The following FLVCR1 variants were observed in gnomAD, a reference collection of about 807,000 sequenced individuals.
FLVCR1 encodes the protein FLVCR choline and heme transporter 1.
Under a neutral mutation model 53.6 loss-of-function variants are expected in FLVCR1, and 34 were observed. The observed-to-expected ratio is 0.63, with a 90% CI of 0.48 to 0.84. The LOEUF is 0.84. FLVCR1 is among the 40% of genes least tolerant of loss of function. The probability of loss-of-function intolerance (pLI) is 0.00; values close to 1 mark genes in which losing one functional copy is unlikely to be tolerated. For synonymous variants in FLVCR1, 300 were observed against 286.3 expected (o/e 1.05, Z -0.48); for missense variants, 677 against 696.7 (o/e 0.97, Z 0.32).
chr1:212,860,350 G>GTTTTTTTTGTTTTTTTTTTTTTTTTTTT (rs1664186887), intron 1 of FLVCR1, among the ~76,000 whole-genome samples: 1 of 85,824 alleles, frequency 1.2e-5, no homozygotes. Context: ...TGTGTGTGTG[G>GTTTTTTTTGTTTTTTTTTTTTTTTTTTT]TTTTTTTTTT....
At position 212,895,556 on chromosome 1, in the gene FLVCR1, G is replaced by A. The variant is rs1558123887; in HGVS notation, c.*266G>A. 1 of 455,770 alleles carries A rather than the reference G, an allele frequency of 2.2e-6. No individual in the cohort carries two copies. Among genetic ancestry groups the A allele is most frequent in the Non-Finnish European group, 4.0e-6 (1 of 252,538 alleles). 28.2% of individuals were successfully genotyped at this position (455,770 alleles called of 1,614,324 possible). ...CGGTTTTTAGTCTCATATTGTATCTGAAAGTAAGCTTCTTGACGTTTACTT... is the reference window on the plus strand; with the variant it reads ...CGGTTTTTAGTCTCATATTGTATCTAAAAGTAAGCTTCTTGACGTTTACTT... On this transcript the variant is annotated 3_prime_UTR_variant, in exon 10 of 10. Coordinates refer to ENST00000366971, the MANE Select transcript of FLVCR1 (RefSeq NM_014053.4).
intron 4 of FLVCR1, among the ~76,000 whole-genome samples, chr1:212,884,744 G>A (rs952395367): frequency 6.6e-6 from 1 of 152,110 alleles, no homozygotes; most frequent in Non-Finnish European, 1.5e-5. Flanking sequence ...GTGTACTTAC[G>A]CAAACCTGAT....
chr1:212,883,539 G>A lies in FLVCR1; in HGVS notation c.1092+101G>A, dbSNP rs1042818394. 5.8e-6 allele frequency: 4 copies of A among 687,716 alleles called. No individual in the cohort carries two copies. The South Asian group carries it at 6.5e-5, about 11-fold the overall frequency. 42.6% of individuals were successfully genotyped at this position (687,716 alleles called of 1,614,324 possible). A position where few individuals can be genotyped will look rare whatever the true frequency, so the allele number is the denominator to read the frequency against. On this transcript the variant is annotated intron_variant, in intron 4 of 9. Transcript: ENST00000366971. ...TCATGAGATTAAGGGTTATGACATT[G>A]TTGCTATCAAATATTTACATTTGTT...
chr1:212,887,679 T>C (rs1468063472), intron 5 of FLVCR1, among the ~76,000 whole-genome samples: 1 of 152,114 alleles, frequency 6.6e-6, no homozygotes, highest in Non-Finnish European at 1.5e-5. Flanking sequence ...GGATCCTATC[T>C]GAGCATTCGA....
intron 2 of FLVCR1, among the ~76,000 whole-genome samples, chr1:212,871,717 C>G (rs548007932): frequency 2.6e-5 from 4 of 152,286 alleles, no homozygotes; most frequent in African/African-American, 9.6e-5. Context: ...TAGCCTAACC[C>G]TAAAGAAATC....
At chr1:212,873,488 T>G (rs1330487072) in intron 3 of FLVCR1, among the ~76,000 whole-genome samples, 1 of 152,202 alleles carries the variant, frequency 6.6e-6, no homozygotes, top group Non-Finnish European at 1.5e-5. Context: ...CTGGCATCTG[T>G]TTTGATTACT....
chr1:212,893,116 C>T (rs772110903), intron 8 of FLVCR1, among the ~76,000 whole-genome samples: 70 of 148,770 alleles, frequency 4.7e-4, no homozygotes, highest in South Asian at 2.1e-3. Context: ...AGTGCAGTGG[C>T]GTGATCTCGG....
Position 212,858,907 on chromosome 1 carries a change from T to C in FLVCR1, c.455T>C (p.Val152Ala). ...CTGCACATCGACTGGCTGTCCATGG[T>C]GTACATGCTGGCCTACGTGCCCCTC... is the stretch of plus-strand genomic sequence containing the variant. ...TLLHIDWLSM[V>A]YMLAYVPLIF... The change falls in exon 1 of 10, where the codon GTG becomes GCG. Residue 152 changes from valine to alanine, a missense_variant. Physicochemically the swap from Val to Ala is moderately conservative, Grantham distance 64. Transcript: ENST00000366971. The C allele has an allele frequency of 6.2e-7, 1 of 1,614,252 alleles. No individual in the cohort carries two copies. The highest frequency in any genetic ancestry group is 1.6e-4 in the Middle Eastern group (1 of 6,062).
chr1:212,884,307 A>G (rs12031546), intron 4 of FLVCR1, among the ~76,000 whole-genome samples: 33,850 of 151,586 alleles, frequency 0.22, 4,405 homozygotes, highest in East Asian at 0.44. Context: ...TTAAAAAAAA[A>G]ACAGGCTGGG....
At chr1:212,893,154 C>T (rs956235814) in intron 8 of FLVCR1, among the ~76,000 whole-genome samples, 27 of 151,304 alleles carry the variant, frequency 1.8e-4, no homozygotes, top group African/African-American at 6.3e-4. Flanking sequence ...CTCCCGGGTT[C>T]AGGCCATTCT....
chr1:212,858,300 CGCGGATT>C lies in FLVCR1; in HGVS notation c.-148_-142del. The C allele has an allele frequency of 1.3e-6, 1 of 744,610 alleles. No individual in the cohort carries two copies. Among genetic ancestry groups the C allele is most frequent in the Non-Finnish European group, 2.1e-6 (1 of 485,006 alleles). The allele number at this position is 744,610 out of a possible 1,614,324, so 46.1% of individuals were successfully genotyped here. On this transcript the variant is annotated 5_prime_UTR_variant, in exon 1 of 10. Transcript: ENST00000366971. ...AGACCTTCATCTGTTCACGCGGTAG[CGCGGATT>C]GCGGTTCGCGGCGCGCGCCACCGGG...
chr1:212,860,882 C>G (rs1664220071), intron 1 of FLVCR1, among the ~76,000 whole-genome samples: 2 of 152,196 alleles, frequency 1.3e-5, no homozygotes, highest in Admixed American at 1.3e-4. Context: ...TTGCTTTCTC[C>G]TTGCTCATTT....
At chr1:212,888,410 G>T in intron 6 of FLVCR1, 79 bp from the exon 7 acceptor site, 1 of 975,700 alleles carries the variant, frequency 1.0e-6, no homozygotes, top group East Asian at 2.4e-5. Flanking sequence ...GAATAAGCCC[G>T]AGAGGCAGAA....
intron 7 of FLVCR1, among the ~76,000 whole-genome samples, 192 bp from the exon 8 acceptor site, chr1:212,888,954 G>A (rs532917444): frequency 1.3e-5 from 2 of 152,064 alleles, no homozygotes; most frequent in Non-Finnish European, 2.9e-5. Context: ...CTCCCAAAGT[G>A]CTAGGATTAC....
intron 5 of FLVCR1, among the ~76,000 whole-genome samples, chr1:212,886,384 CA>C (rs1665066401): frequency 6.6e-6 from 1 of 152,000 alleles, no homozygotes; most frequent in South Asian, 2.1e-4. Flanking sequence ...AATACAAAAA[CA>C]AAAAAGTAGT....
At chr1:212,868,627 T>C (rs889599728) in intron 2 of FLVCR1, among the ~76,000 whole-genome samples, 1 of 151,526 alleles carries the variant, frequency 6.6e-6, no homozygotes, top group Admixed American at 6.6e-5. Flanking sequence ...CAGGCTGGAT[T>C]CAAACTCCTG....
At chr1:212,891,217 T>C (rs1045497537) in intron 8 of FLVCR1, among the ~76,000 whole-genome samples, 1 of 152,156 alleles carries the variant, frequency 6.6e-6, no homozygotes, top group Admixed American at 6.6e-5. Context: ...AAGACCAGCC[T>C]GACCAACATA....
chr1:212,893,307 G>A (rs1483687797), intron 8 of FLVCR1, among the ~76,000 whole-genome samples: 2 of 151,946 alleles, frequency 1.3e-5, no homozygotes, highest in Admixed American at 6.6e-5. Flanking sequence ...TGCCTGCCTC[G>A]GCCTCCCAAA....
rs1043532787 is a variant in FLVCR1, at chr1:212,895,282, G to A, written c.1660G>A (p.Ala554Thr). Residue 554 changes from alanine (A) to threonine (T), a missense_variant, in exon 10 of 10, where the codon GCA becomes ACA. Physicochemically the swap from Ala to Thr is moderately conservative, Grantham distance 58 (BLOSUM62 0). Transcript: ENST00000366971. ...TVMLSKQSES[A>T]I ...TATGTTGTCCAAGCAGTCAGAATCA[G>A]CAATTTGAAGAGAAAGGCAAAGTTA... 6.2e-7 allele frequency: 1 copy of A among 1,612,638 alleles called. No individual in the cohort carries two copies. Among genetic ancestry groups the A allele is most frequent in the Middle Eastern group, 1.7e-4 (1 of 6,060 alleles).
Sources: allele counts gnomAD v4.1 joint callset (sites outside exome capture counted in the v4.1 genomes callset), GRCh38; gene constraint gnomAD v4.1.1; transcripts MANE v1.5; gene names NCBI Gene and HGNC (gene_info 2026-07-23, HGNC 2026-07-21).